Variants in SYT17 observed in about 807,000 individuals in gnomAD.
SYT17 encodes the protein synaptotagmin 17, also known as synaptotagmin-17.
In SYT17, 22 loss-of-function variants were observed where a neutral mutation model predicts 46.7. The ratio of observed to expected loss-of-function variants is 0.47; its 90% CI spans 0.34 to 0.67. The LOEUF is 0.67. Ranked by LOEUF, SYT17 falls within the 30% of genes least tolerant of loss-of-function variation. The pLI is 0.01. For synonymous variants in SYT17, 251 were observed against 248.4 expected, an observed-to-expected ratio of 1.01 and a Z score of -0.10; for missense variants, 519 against 612.8, an observed-to-expected ratio of 0.85 and a Z score of 1.62.
At chr16:19,182,445 C>G (rs1474779427) in intron 4 of SYT17, among the ~76,000 whole-genome samples, 2 of 152,132 alleles carry the variant, frequency 1.3e-5, no homozygotes, top group African/African-American at 2.4e-5. Flanking sequence ...ATGAATTTTG[C>G]CCTTTTATTT....
chr16:19,253,487 C>T (rs979383426), intron 7 of SYT17, among the ~76,000 whole-genome samples: 1 of 152,020 alleles, frequency 6.6e-6, no homozygotes, highest in Non-Finnish European at 1.5e-5. Flanking sequence ...AGGCAGGTCC[C>T]AGAAAGAAGA....
At chr16:19,264,443 T>G (rs994441883) in intron 7 of SYT17, among the ~76,000 whole-genome samples, 7 of 152,140 alleles carry the variant, frequency 4.6e-5, no homozygotes, top group Non-Finnish European at 1.0e-4. Flanking sequence ...GTGCAGAAAA[T>G]TCTATGGGAT....
chr16:19,221,883 A>G (rs529675665), intron 5 of SYT17, among the ~76,000 whole-genome samples: 1 of 152,310 alleles, frequency 6.6e-6, no homozygotes, highest in East Asian at 1.9e-4. Flanking sequence ...AAATATTACA[A>G]ATAATATAAT....
chr16:19,250,858 C>T (rs1271051990), intron 7 of SYT17, among the ~76,000 whole-genome samples: 1 of 152,100 alleles, frequency 6.6e-6, no homozygotes, highest in Non-Finnish European at 1.5e-5. Context: ...TCAGAAATTC[C>T]CTCATAGCCC....
intron 5 of SYT17, among the ~76,000 whole-genome samples, chr16:19,189,704 G>A (rs1208035455): frequency 6.6e-6 from 1 of 152,158 alleles, no homozygotes; most frequent in African/African-American, 2.4e-5. Context: ...TTGGTTGGTT[G>A]GTCAGTGGAA....
At chr16:19,173,005 A>G (rs1388931543) in intron 2 of SYT17, 5 of 598,864 alleles carry the variant, frequency 8.3e-6, no homozygotes, top group Admixed American at 6.8e-5. Context: ...CCGTTTGATT[A>G]TCTCTGTCTG....
At chr16:19,262,918 G>T (rs1304096396) in intron 7 of SYT17, among the ~76,000 whole-genome samples, 1 of 152,104 alleles carries the variant, frequency 6.6e-6, no homozygotes, top group East Asian at 1.9e-4. Context: ...GGTAGGCAGG[G>T]CACCAACAGC....
At chr16:19,242,389 T>C (rs1199200146) in intron 7 of SYT17, among the ~76,000 whole-genome samples, 11 of 152,200 alleles carry the variant, frequency 7.2e-5, no homozygotes. Context: ...GGGGCAGGAA[T>C]GAGCTTATTT....
intron 5 of SYT17, among the ~76,000 whole-genome samples, chr16:19,194,466 G>A (rs1422351963): frequency 6.6e-6 from 1 of 152,220 alleles, no homozygotes; most frequent in Non-Finnish European, 1.5e-5. Context: ...AGGGCAGCGT[G>A]TTCTGGGGTC....
intron 5 of SYT17, among the ~76,000 whole-genome samples, chr16:19,214,636 G>A (rs1214015769): frequency 3.3e-5 from 5 of 152,142 alleles, no homozygotes; most frequent in African/African-American, 1.2e-4. Context: ...AGTGAACGAT[G>A]TTATTCATAC....
At position 19,250,160 on chromosome 16, in the gene SYT17, A is replaced by G. The variant is rs1967938586; in HGVS notation, c.1229-16720A>G. On this transcript the variant is annotated intron_variant, in intron 7 of 7. Transcript: ENST00000355377. ...AAAAATTTTTTAACATATTGAAAGA[A>G]TTGTCCCATGAACACCCATATTTCT... The G allele has an allele frequency of 4.4e-6, 6 of 1,363,398 alleles. No individual in the cohort carries two copies. The South Asian group carries it at 9.8e-5, about 22-fold the overall frequency. The allele number at this position is 1,363,398 out of a possible 1,614,324, so 84.5% of individuals were successfully genotyped here. A position where few individuals can be genotyped will look rare whatever the true frequency, so the allele number is the denominator to read the frequency against.
intron 3 of SYT17, 108 bp downstream of exon 3, chr16:19,173,686 T>C: frequency 1.6e-6 from 2 of 1,260,094 alleles, no homozygotes; most frequent in Non-Finnish European, 2.2e-6. Context: ...TTTGGGGGCA[T>C]GAAAGAGAAG....
chr16:19,244,598 G>A (rs549856356), intron 7 of SYT17, among the ~76,000 whole-genome samples: 2 of 152,156 alleles, frequency 1.3e-5, no homozygotes, highest in African/African-American at 4.8e-5. Flanking sequence ...GCCTCCCAAA[G>A]TGCTGGGATT....
rs144200463 is a variant in SYT17 at position 19,240,099 on chromosome 16, C to T, written c.1228+15261C>T. The stretch of plus-strand genomic sequence containing the variant: ...AAACCTGGCTTGGGGAGCTCCTGGG[C>T]CTGGGCCCTCTGAAGGGCTGCAGCT... On this transcript the variant is annotated intron_variant, in intron 7 of 7. Coordinates refer to ENST00000355377, the MANE Select transcript of SYT17 (RefSeq NM_016524.4). Among the ~76,000 whole-genome samples the T allele has an allele frequency of 6.7e-3, 1,016 of 152,314 alleles. 12 individuals are homozygous for T. Among genetic ancestry groups the T allele is most frequent in the African/African-American group, 0.023 (944 of 41,580 alleles).
At chr16:19,197,446 GTTA>G (rs199952278) in intron 5 of SYT17, among the ~76,000 whole-genome samples, 164 of 149,172 alleles carry the variant, frequency 1.1e-3, no homozygotes, top group Non-Finnish European at 1.9e-3. Context: ...TTGTTTGTTT[GTTA>G]TTATTATTAT....
At chr16:19,172,939 G>A (rs1011453700) in intron 2 of SYT17, 162 bp downstream of exon 2, 31 of 892,346 alleles carry the variant, frequency 3.5e-5, no homozygotes, top group South Asian at 1.5e-4. Context: ...AGGAGATCCC[G>A]GTTTTGAAAA....
intron 7 of SYT17, among the ~76,000 whole-genome samples, chr16:19,229,148 C>T (rs548437155): frequency 6.6e-6 from 1 of 152,268 alleles, no homozygotes; most frequent in East Asian, 1.9e-4. Flanking sequence ...TGGAGCTGGC[C>T]ACTGAGGTGA....
chr16:19,192,203 T>C (rs966057285), intron 5 of SYT17, among the ~76,000 whole-genome samples: 1 of 152,214 alleles, frequency 6.6e-6, no homozygotes, highest in African/African-American at 2.4e-5. Flanking sequence ...GAGGATCACT[T>C]GAGGCCAGGA....
chr16:19,249,648 C>T (rs118076536), intron 7 of SYT17, among the ~76,000 whole-genome samples: 1,644 of 152,246 alleles, frequency 0.011, 21 homozygotes, highest in Admixed American at 0.019. Context: ...AAGTGCTTTT[C>T]ATGTGGAAGG....
Sources: allele counts gnomAD v4.1 joint callset (sites outside exome capture counted in the v4.1 genomes callset), GRCh38; gene constraint gnomAD v4.1.1; transcripts MANE v1.5; gene names NCBI Gene and HGNC (gene_info 2026-07-23, HGNC 2026-07-21).